MAF: variants seen among roughly 807,000 people sequenced by gnomAD.
MAF encodes the protein transcription factor Maf.
A neutral mutation model predicts 22.0 loss-of-function variants in MAF; 10 were observed. The ratio of observed to expected loss-of-function variants is 0.45; its 90% CI spans 0.28 to 0.77. The LOEUF is 0.77. MAF is among the 30% of genes least tolerant of loss of function. The pLI, the probability that MAF is intolerant of heterozygous loss-of-function variation, is 0.12. For synonymous variants in MAF, 337 were observed against 255.8 expected (o/e 1.32, Z -3.03); for missense variants, 544 against 548.4 (o/e 0.99, Z 0.08).
At chr16:79,453,592 G>A in the MAF span, among the ~76,000 whole-genome samples, 22 of 152,260 alleles carry the variant, frequency 1.4e-4, 1 homozygote, top group South Asian at 2.5e-3. Flanking sequence ...GGGAAAGGTC[G>A]GCTTTATTAG....
At chr16:79,553,473 C>T in the MAF span, among the ~76,000 whole-genome samples, 2 of 152,194 alleles carry the variant, frequency 1.3e-5, no homozygotes, top group African/African-American at 4.8e-5. Flanking sequence ...AGGCAGACAG[C>T]GTGGAGTCAG....
chr16:79,455,321 A>T, the MAF span, among the ~76,000 whole-genome samples: 1 of 152,120 alleles, frequency 6.6e-6, no homozygotes, highest in African/African-American at 2.4e-5. Context: ...TAAATAAATA[A>T]ATGGCCCTTT....
At chr16:79,423,549 A>G in the MAF span, among the ~76,000 whole-genome samples, 1 of 152,208 alleles carries the variant, frequency 6.6e-6, no homozygotes, top group Non-Finnish European at 1.5e-5. Context: ...GTTTTTGTAA[A>G]TAAAGTTTTA....
chr16:79,451,367 C>T, the MAF span, among the ~76,000 whole-genome samples: 1 of 152,156 alleles, frequency 6.6e-6, no homozygotes, highest in Non-Finnish European at 1.5e-5. Flanking sequence ...CAGCAGAGGG[C>T]TATACAAAGG....
the MAF span, among the ~76,000 whole-genome samples, chr16:79,373,359 C>CTTTTTTTTTTTT: frequency 6.6e-4 from 22 of 33,326 alleles, 7 homozygotes; most frequent in Non-Finnish European, 1.1e-3. Context: ...GGACTGGTAG[C>CTTTTTTTTTTTT]TTTTTTTTTT....
chr16:79,221,759 ATGTG>A, the MAF span, among the ~76,000 whole-genome samples: 1 of 145,910 alleles, frequency 6.9e-6, no homozygotes, highest in African/African-American at 2.4e-5. Flanking sequence ...TTGTGTGTGT[ATGTG>A]TGTGTGTGCA....
the MAF span, among the ~76,000 whole-genome samples, chr16:79,461,366 G>A: frequency 1.3e-5 from 2 of 152,028 alleles, no homozygotes; most frequent in Admixed American, 6.6e-5. Flanking sequence ...GTCTCTCTAC[G>A]GCAGCTCTCC....
At chr16:79,267,581 G>T in the MAF span, among the ~76,000 whole-genome samples, 1 of 152,184 alleles carries the variant, frequency 6.6e-6, no homozygotes, top group Non-Finnish European at 1.5e-5. Flanking sequence ...ATCAGCTGGT[G>T]GCGGACAGTG....
At chr16:79,431,251 G>C in the MAF span, among the ~76,000 whole-genome samples, 3 of 152,272 alleles carry the variant, frequency 2.0e-5, no homozygotes, top group African/African-American at 7.2e-5. Flanking sequence ...AGGCAGCGTG[G>C]TGATGAGCCC....
chr16:79,494,590 T>A, the MAF span, among the ~76,000 whole-genome samples: 1 of 152,140 alleles, frequency 6.6e-6, no homozygotes, highest in Non-Finnish European at 1.5e-5. Context: ...CAATCACATC[T>A]GCAAAGTTCC....
At chr16:79,434,853 T>A in the MAF span, among the ~76,000 whole-genome samples, 1 of 152,130 alleles carries the variant, frequency 6.6e-6, no homozygotes, top group Non-Finnish European at 1.5e-5. Flanking sequence ...GAGCTCAGCT[T>A]TTCATGGATT....
At chr16:79,543,664 T>C in the MAF span, among the ~76,000 whole-genome samples, 2 of 150,988 alleles carry the variant, frequency 1.3e-5, no homozygotes, top group African/African-American at 4.9e-5. Context: ...TTCCAGGCCC[T>C]CTTTTCTTTT....
chr16:79,353,601 C>G, the MAF span, among the ~76,000 whole-genome samples: 1 of 152,040 alleles, frequency 6.6e-6, no homozygotes, highest in Admixed American at 6.5e-5. Context: ...TATATCATGT[C>G]CTGCTAGGAT....
At chr16:79,241,392 G>T in the MAF span, among the ~76,000 whole-genome samples, 2 of 152,068 alleles carry the variant, frequency 1.3e-5, no homozygotes, top group Non-Finnish European at 2.9e-5. Flanking sequence ...ACTTCATGAA[G>T]CATACACAAG....
the MAF span, among the ~76,000 whole-genome samples, chr16:79,524,567 G>T: frequency 3.9e-5 from 6 of 152,148 alleles, no homozygotes; most frequent in African/African-American, 1.4e-4. Flanking sequence ...CCCTTCATAG[G>T]TTCCTCCATC....
chr16:79,507,277 C>A, the MAF span, among the ~76,000 whole-genome samples: 10 of 150,846 alleles, frequency 6.6e-5, no homozygotes, highest in Non-Finnish European at 1.2e-4. Context: ...CCATGCCTGG[C>A]TAATTTTTTT....
chr16:79,433,352 G>A, the MAF span, among the ~76,000 whole-genome samples: 1 of 151,240 alleles, frequency 6.6e-6, no homozygotes, highest in African/African-American at 2.4e-5. Context: ...CGATGGAGTT[G>A]GTGAAGTTTC....
chr16:79,586,727 A>G (rs902528889), intron 1 of MAF, among the ~76,000 whole-genome samples: 2 of 152,358 alleles, frequency 1.3e-5, no homozygotes, highest in African/African-American at 4.8e-5. Context: ...ACAGAGTCCA[A>G]TATTTTCCAG....
At chr16:79,210,739 T>C in the MAF span, among the ~76,000 whole-genome samples, 1 of 152,158 alleles carries the variant, frequency 6.6e-6, no homozygotes, top group Non-Finnish European at 1.5e-5. Flanking sequence ...GCAAAGTGAT[T>C]TCTTGCCCTC....
Sources: allele counts gnomAD v4.1 joint callset (sites outside exome capture counted in the v4.1 genomes callset), GRCh38; gene constraint gnomAD v4.1.1; transcripts MANE v1.5; gene names NCBI Gene and HGNC (gene_info 2026-07-23, HGNC 2026-07-21).